Variants in TMTC2 observed in about 807,000 individuals in gnomAD.
TMTC2 encodes the protein protein O-mannosyl-transferase TMTC2.
In TMTC2, 43 loss-of-function variants were observed where a neutral mutation model predicts 82.4. The ratio of observed to expected loss-of-function variants is 0.52; its 90% CI spans 0.41 to 0.67. The LOEUF is 0.67. Ranked by LOEUF, TMTC2 falls within the 30% of genes least tolerant of loss-of-function variation. The pLI, the probability that TMTC2 is intolerant of heterozygous loss-of-function variation, is 0.00. For synonymous variants in TMTC2, 408 were observed against 381.9 expected, an observed-to-expected ratio of 1.07 and a Z score of -0.80; for missense variants, 919 against 1,012.4, an observed-to-expected ratio of 0.91 and a Z score of 1.25.
At chr12:82,760,656 T>C (rs1463477858) in intron 1 of TMTC2, among the ~76,000 whole-genome samples, 1 of 151,964 alleles carries the variant, frequency 6.6e-6, no homozygotes, top group Non-Finnish European at 1.5e-5. Flanking sequence ...AGGAGGTGAA[T>C]GGCAGGTGAG....
rs67785786 is a variant in TMTC2 at position 82,722,398 on chromosome 12, C to CAAA, written c.83+34746_83+34748dup. Among the ~76,000 whole-genome samples the CAAA allele has an allele frequency of 7.1e-3, 723 of 102,548 alleles. 9 individuals carry two copies. The highest frequency in any genetic ancestry group is 0.011 in the Non-Finnish European group (588 of 54,248). The allele number at this position is 102,548 out of a possible 152,430, so 67.3% of individuals were successfully genotyped here. A position where few individuals can be genotyped will look rare whatever the true frequency, so the allele number is the denominator to read the frequency against. ...TGAAACCCCGTCTCTACTAAAAATA[C>CAAA]AAAAAAAAAAAAAAAAAAATTAGCC... On this transcript the variant is annotated intron_variant, in intron 1 of 11. Coordinates refer to ENST00000321196, the MANE Select transcript of TMTC2 (RefSeq NM_152588.3).
chr12:82,809,319 A>T (rs1879384953), intron 1 of TMTC2, among the ~76,000 whole-genome samples: 1 of 152,014 alleles, frequency 6.6e-6, no homozygotes, highest in African/African-American at 2.4e-5. Flanking sequence ...ATGTGATTAT[A>T]ACCTGGTTGG....
At chr12:82,707,798 C>A (rs571362741) in intron 1 of TMTC2, among the ~76,000 whole-genome samples, 1 of 152,306 alleles carries the variant, frequency 6.6e-6, no homozygotes, top group Admixed American at 6.5e-5. Flanking sequence ...GTGGGAGGAT[C>A]ACAGAGGTCG....
At chr12:82,729,752 A>C (rs1229610352) in intron 1 of TMTC2, among the ~76,000 whole-genome samples, 2 of 152,220 alleles carry the variant, frequency 1.3e-5, no homozygotes, top group Admixed American at 1.3e-4. Context: ...GGCAACCCGC[A>C]GGGGCCGTTT....
intron 11 of TMTC2, among the ~76,000 whole-genome samples, chr12:83,105,934 C>T (rs1310732805): frequency 6.6e-6 from 1 of 152,048 alleles, no homozygotes; most frequent in Non-Finnish European, 1.5e-5. Flanking sequence ...ACCTCTAAAG[C>T]CTACAGATAC....
chr12:83,050,080 G>A (rs953873051), intron 9 of TMTC2, among the ~76,000 whole-genome samples: 2 of 152,138 alleles, frequency 1.3e-5, no homozygotes, highest in African/African-American at 2.4e-5. Context: ...CAAACAGGAA[G>A]AGATAATAAT....
chr12:82,987,920 A>G (rs781694321), intron 8 of TMTC2, among the ~76,000 whole-genome samples: 1 of 152,128 alleles, frequency 6.6e-6, no homozygotes, highest in African/African-American at 2.4e-5. Flanking sequence ...TCCTTTCTTT[A>G]CCAAGCTTTG....
At chr12:82,710,663 G>A (rs1873579513) in intron 1 of TMTC2, among the ~76,000 whole-genome samples, 1 of 152,212 alleles carries the variant, frequency 6.6e-6, no homozygotes, top group Non-Finnish European at 1.5e-5. Flanking sequence ...AGAAAATGGG[G>A]TAAATATTTC....
intron 7 of TMTC2, among the ~76,000 whole-genome samples, chr12:82,977,528 G>A (rs1210435842): frequency 6.6e-6 from 1 of 151,786 alleles, no homozygotes; most frequent in African/African-American, 2.4e-5. Context: ...AGACAATTGA[G>A]TAAATCTTTG....
chr12:82,728,578 G>A (rs1378830035), intron 1 of TMTC2, among the ~76,000 whole-genome samples: 2 of 152,152 alleles, frequency 1.3e-5, no homozygotes, highest in Non-Finnish European at 2.9e-5. Flanking sequence ...GAAATTAGCT[G>A]GGCATGGTGG....
At chr12:82,809,072 ATTAT>A (rs1879371483) in intron 1 of TMTC2, among the ~76,000 whole-genome samples, 1 of 149,086 alleles carries the variant, frequency 6.7e-6, no homozygotes, top group Non-Finnish European at 1.5e-5. Context: ...AGATTCAGAA[ATTAT>A]TTATATAATT....
chr12:82,723,171 G>T (rs1454252481), intron 1 of TMTC2, among the ~76,000 whole-genome samples: 4 of 152,162 alleles, frequency 2.6e-5, no homozygotes, highest in Admixed American at 2.0e-4. Flanking sequence ...GTAAAGAGAC[G>T]ATTTTAACTA....
At chr12:83,131,326 G>A (rs1220406496) in intron 11 of TMTC2, among the ~76,000 whole-genome samples, 1 of 152,166 alleles carries the variant, frequency 6.6e-6, no homozygotes, top group African/African-American at 2.4e-5. Context: ...TTTTGCTGTT[G>A]TTAACTAATG....
intron 2 of TMTC2, among the ~76,000 whole-genome samples, chr12:82,871,064 C>T (rs1872148866): frequency 6.6e-6 from 1 of 152,228 alleles, no homozygotes; most frequent in Non-Finnish European, 1.5e-5. Flanking sequence ...ATACACACAG[C>T]TGGTGGTAAT....
At chr12:83,097,273 AG>A (rs1884061123) in intron 11 of TMTC2, among the ~76,000 whole-genome samples, 1 of 152,212 alleles carries the variant, frequency 6.6e-6, no homozygotes, top group South Asian at 2.1e-4. Context: ...GTAATCATTA[AG>A]GGAAAATTGT....
chr12:82,965,165 ACT>A (rs1555201502), intron 5 of TMTC2, 56 bp downstream of exon 5: 3 of 1,292,116 alleles, frequency 2.3e-6, no homozygotes, highest in Non-Finnish European at 2.2e-6. Context: ...TTGAAAATTA[ACT>A]CTAATTTACA....
chr12:83,094,033 T>A (rs1883935687), intron 11 of TMTC2, among the ~76,000 whole-genome samples: 1 of 152,150 alleles, frequency 6.6e-6, no homozygotes, highest in Non-Finnish European at 1.5e-5. Context: ...AGTGTGCCAA[T>A]GCCAGGCACC....
chr12:82,977,384 T>C (rs1050395960), intron 7 of TMTC2, among the ~76,000 whole-genome samples: 2 of 151,706 alleles, frequency 1.3e-5, no homozygotes, highest in African/African-American at 4.8e-5. Flanking sequence ...ATTGTACCCA[T>C]GAGAAAAGAA....
intron 2 of TMTC2, among the ~76,000 whole-genome samples, chr12:82,879,931 C>T (rs760121229): frequency 5.9e-5 from 9 of 152,088 alleles, no homozygotes; most frequent in Non-Finnish European, 1.0e-4. Flanking sequence ...TACTGGATGC[C>T]GGGACTTCAT....
Sources: gnomAD v4.1 joint callset for allele counts (sites outside exome capture counted in the v4.1 genomes callset) on GRCh38, gnomAD v4.1.1 for gene constraint, MANE v1.5 for transcripts, NCBI Gene and HGNC (gene_info 2026-07-23, HGNC 2026-07-21) for gene names.